Variants in LIN28B observed in about 807,000 individuals in gnomAD.
LIN28B encodes the protein protein lin-28 homolog B.
LIN28B carries 5 observed loss-of-function variants against 21.9 expected under a neutral mutation model. That is an observed-to-expected ratio of 0.23 (90% CI 0.12 to 0.48). LIN28B has a LOEUF of 0.48. Ranked by LOEUF, LIN28B falls within the 20% of genes least tolerant of loss-of-function variation. The pLI is 0.98. For synonymous variants in LIN28B, 109 were observed against 111.3 expected, an observed-to-expected ratio of 0.98 and a Z score of 0.13; for missense variants, 245 against 310.5, an observed-to-expected ratio of 0.79 and a Z score of 1.58.
intron 2 of LIN28B, among the ~76,000 whole-genome samples, chr6:104,938,430 G>A (rs1778038145): frequency 6.6e-6 from 1 of 152,056 alleles, no homozygotes; most frequent in Admixed American, 6.6e-5. Flanking sequence ...CTTGAGGCCA[G>A]GAGTTTGAGA....
chr6:105,015,235 T>C (rs1485037805), intron 2 of LIN28B, among the ~76,000 whole-genome samples: 1 of 152,200 alleles, frequency 6.6e-6, no homozygotes, highest in Non-Finnish European at 1.5e-5. Flanking sequence ...CATTTATGAT[T>C]GTTATGCCTT....
intron 2 of LIN28B, among the ~76,000 whole-genome samples, chr6:105,022,735 T>G (rs1167493872): frequency 6.6e-6 from 1 of 152,146 alleles, no homozygotes; most frequent in Non-Finnish European, 1.5e-5. Flanking sequence ...TAACCTACCT[T>G]GGAGAAGAGG....
intron 3 of LIN28B, among the ~76,000 whole-genome samples, chr6:105,075,943 T>G (rs1465402575): frequency 6.6e-6 from 1 of 152,232 alleles, no homozygotes; most frequent in East Asian, 1.9e-4. Flanking sequence ...AAAGAAGATA[T>G]TTTATAGATG....
At chr6:104,999,338 T>C (rs1210836521) in intron 2 of LIN28B, among the ~76,000 whole-genome samples, 1 of 152,040 alleles carries the variant, frequency 6.6e-6, no homozygotes, top group Non-Finnish European at 1.5e-5. Context: ...GGGATCTTGC[T>C]ATGATTCCCA....
chr6:104,989,939 T>C (rs1770428816), intron 2 of LIN28B, among the ~76,000 whole-genome samples: 1 of 152,166 alleles, frequency 6.6e-6, no homozygotes. Flanking sequence ...GCTTCTTTTC[T>C]GTAAATGCAT....
At chr6:105,032,874 A>G (rs1444856234) in intron 3 of LIN28B, among the ~76,000 whole-genome samples, 1 of 151,746 alleles carries the variant, frequency 6.6e-6, no homozygotes, top group Admixed American at 6.6e-5. Flanking sequence ...CTGTTTCTTC[A>G]TATCTTTTGC....
intron 2 of LIN28B, among the ~76,000 whole-genome samples, chr6:104,947,574 G>C (rs1778170797): frequency 6.6e-6 from 1 of 152,020 alleles, no homozygotes; most frequent in Non-Finnish European, 1.5e-5. Context: ...TGAAATCTAA[G>C]AATGTTTGTG....
chr6:105,057,730 T>G (rs566478281), intron 3 of LIN28B, among the ~76,000 whole-genome samples: 344 of 152,290 alleles, frequency 2.3e-3, no homozygotes, highest in African/African-American at 7.4e-3. Context: ...TTACTATAAA[T>G]TACTTTTTTC....
At chr6:105,067,605 A>G (rs1772244632) in intron 3 of LIN28B, among the ~76,000 whole-genome samples, 1 of 151,564 alleles carries the variant, frequency 6.6e-6, no homozygotes, top group Admixed American at 6.6e-5. Context: ...GCCAGAACAG[A>G]CTATCTGTCT....
chr6:105,078,126 C>A (rs1582936850), intron 3 of LIN28B, among the ~76,000 whole-genome samples: 1 of 151,974 alleles, frequency 6.6e-6, no homozygotes, highest in South Asian at 2.1e-4. Context: ...TTAAAGGAAT[C>A]CTTTCTATAT....
intron 3 of LIN28B, among the ~76,000 whole-genome samples, chr6:105,033,879 G>T (rs1022944517): frequency 1.3e-5 from 2 of 151,450 alleles, no homozygotes; most frequent in African/African-American, 4.8e-5. Context: ...TGCCACAGTT[G>T]ATTTCTATTA....
intron 2 of LIN28B, among the ~76,000 whole-genome samples, chr6:104,985,508 T>C (rs1349634105): frequency 1.3e-5 from 2 of 152,228 alleles, no homozygotes; most frequent in Admixed American, 1.3e-4. Flanking sequence ...ATAGTACATA[T>C]CTTGATATGA....
intron 3 of LIN28B, among the ~76,000 whole-genome samples, chr6:105,050,842 A>AT (rs1174796945): frequency 6.6e-6 from 1 of 151,244 alleles, no homozygotes; most frequent in East Asian, 1.9e-4. Context: ...AGAAATGTTG[A>AT]TTTTGGTACT....
At chr6:105,074,372 T>C (rs574888904) in intron 3 of LIN28B, among the ~76,000 whole-genome samples, 14 of 152,142 alleles carry the variant, frequency 9.2e-5, no homozygotes, top group Non-Finnish European at 1.8e-4. Context: ...TAATTTTTTG[T>C]TATTTTTAGC....
chr6:105,009,546 A>T (rs1770881154), intron 2 of LIN28B, among the ~76,000 whole-genome samples: 1 of 151,936 alleles, frequency 6.6e-6, no homozygotes. Flanking sequence ...GAAGTTCCTA[A>T]TTTTTCTCAG....
At chr6:105,074,532 T>C (rs1772389302) in intron 3 of LIN28B, among the ~76,000 whole-genome samples, 1 of 152,142 alleles carries the variant, frequency 6.6e-6, no homozygotes, top group African/African-American at 2.4e-5. Context: ...ATTTTGATAG[T>C]GTCTCAAAAA....
At chr6:105,010,469 G>T (rs1368567449) in intron 2 of LIN28B, among the ~76,000 whole-genome samples, 2 of 151,732 alleles carry the variant, frequency 1.3e-5, no homozygotes, top group African/African-American at 2.4e-5. Context: ...TAAAGTATCT[G>T]TATCAAAGAT....
chr6:105,072,165 A>C (rs1409647148), intron 3 of LIN28B, among the ~76,000 whole-genome samples: 1 of 152,192 alleles, frequency 6.6e-6, no homozygotes, highest in Non-Finnish European at 1.5e-5. Flanking sequence ...TAATAAAATT[A>C]CATCAATATT....
At chr6:105,043,554 T>TA (rs1295555928) in intron 3 of LIN28B, among the ~76,000 whole-genome samples, 2 of 151,084 alleles carry the variant, frequency 1.3e-5, no homozygotes, top group Non-Finnish European at 3.0e-5. Context: ...ACCAGTTACT[T>TA]AAAAAACTTC....
Sources: allele counts gnomAD v4.1 joint callset (sites outside exome capture counted in the v4.1 genomes callset), GRCh38; gene constraint gnomAD v4.1.1; transcripts MANE v1.5; gene names NCBI Gene and HGNC (gene_info 2026-07-23, HGNC 2026-07-21).